Variants in ATP8B3 observed in about 807,000 individuals in gnomAD.
The protein encoded by ATP8B3 is phospholipid-transporting ATPase IK.
Under a neutral mutation model 140.9 loss-of-function variants are expected in ATP8B3, and 141 were observed. The ratio of observed to expected loss-of-function variants is 1.00; its 90% confidence interval spans 0.87 to 1.15. The LOEUF is 1.15. ATP8B3 is among the 50% of genes most tolerant of loss of function. ATP8B3 has a pLI of 0.00. For missense variants in ATP8B3, 1,874 were observed against 1,740.6 expected, an observed-to-expected ratio of 1.08 and a Z score of -1.36; for synonymous variants, 765 against 714.6, an observed-to-expected ratio of 1.07 and a Z score of -1.13.
chr19:1,783,865 G>C (rs1257475758), intron 28 of ATP8B3, among the ~76,000 whole-genome samples: 1 of 152,106 alleles, frequency 6.6e-6, no homozygotes, highest in African/African-American at 2.4e-5. Context: ...GTGGGGTCTT[G>C]CTCTGTTGCC....
In ATP8B3 at chr19:1,796,072, C is replaced by G; in HGVS notation, c.1942+5G>C. On this transcript the variant is annotated splice_donor_5th_base_variant and intron_variant, in intron 17 of 28. Transcript: ENST00000310127. ...GGGGCCCAGGGCTTGGGTGGCGGGG[C>G]TCACCCAGCACCGACATCCGTTTGC... The G allele has an allele frequency of 1.9e-6, 3 of 1,612,440 alleles. No homozygotes were observed. Among genetic ancestry groups the G allele is most frequent in the Non-Finnish European group, 2.5e-6 (3 of 1,179,484 alleles).
chr19:1,783,361 G>T, intron 28 of ATP8B3, 91 bp from the exon 29 acceptor site: 1 of 1,464,164 alleles, frequency 6.8e-7, no homozygotes, highest in Non-Finnish European at 9.2e-7. Flanking sequence ...AGGATTCAAA[G>T]CCCTTGGCCA....
In ATP8B3 at chr19:1,790,723, C is replaced by A. The variant is rs368690901; in HGVS notation, c.2378+34G>T. 451 of 1,547,828 alleles carry A rather than the reference C, an allele frequency of 2.9e-4. 1 individual carries two copies. Among genetic ancestry groups the A allele is most frequent in the Non-Finnish European group, 3.6e-4 (412 of 1,146,472 alleles). ...TGCTCCTTGTCCTCACCTCCCCACTCCCCTTGCTCACCCCCCAACTCCCCA... is the reference window on the plus strand; with the variant it reads ...TGCTCCTTGTCCTCACCTCCCCACTACCCTTGCTCACCCCCCAACTCCCCA... On this transcript the variant is annotated intron_variant, in intron 21 of 28. Transcript: ENST00000310127.
intron 14 of ATP8B3, 155 bp downstream of exon 14, chr19:1,799,792 C>A (rs180985933): frequency 8.1e-5 from 63 of 775,380 alleles, no homozygotes; most frequent in South Asian, 3.8e-4. Flanking sequence ...TTCCTGGCCC[C>A]CTCCAAAGGA....
intron 21 of ATP8B3, 110 bp downstream of exon 21, chr19:1,790,647 C>T (rs2068474998): frequency 1.3e-6 from 1 of 788,230 alleles, no homozygotes; most frequent in Non-Finnish European, 1.9e-6. Context: ...TCTCAATCCC[C>T]CCCTTCCCAC....
chr19:1,806,289 GC>G lies in ATP8B3; in HGVS notation c.678-121del, dbSNP rs2069016512. On this transcript the variant is annotated intron_variant, in intron 7 of 28. Coordinates refer to ENST00000310127, the MANE Select transcript of ATP8B3 (RefSeq NM_138813.4). This position sits in a 1 kb window ranked among gnomAD's most constrained non-coding sequence, Gnocchi z 5.6. ...CTGCAGTCCCCACCTCCGGGCCTTT[GC>G]CCCCTCAGGAAGCCTTCCCCGGGCT... is the stretch of plus-strand genomic sequence containing the variant. The G allele has an allele frequency of 1.0e-5, 15 of 1,497,726 alleles. No individual in the cohort carries two copies. Among genetic ancestry groups the G allele is most frequent in the Admixed American group, 2.1e-5 (1 of 47,356 alleles). The allele number at this position is 1,497,726 out of a possible 1,614,324, so 92.8% of individuals were successfully genotyped here. A position where few individuals can be genotyped will look rare whatever the true frequency, so the allele number is the denominator to read the frequency against.
chr19:1,800,010 T>A lies in ATP8B3; in HGVS notation c.1489A>T (p.Thr497Ser). The A allele has an allele frequency of 6.2e-7, 1 of 1,606,380 alleles. No individual in the cohort carries two copies. The highest frequency in any genetic ancestry group is 8.5e-7 in the Non-Finnish European group (1 of 1,176,720). Residue 497 changes from threonine to serine, a missense_variant, in exon 14 of 29, where the codon ACG (threonine) becomes TCG (serine). Thr to Ser is a moderately conservative substitution (Grantham distance 58, BLOSUM62 1). Around this residue, in one of 3 missense-constraint regions of ATP8B3, gnomAD observed 1,032 missense variants for 963.6 expected, o/e 1.07. Coordinates refer to ENST00000310127, the MANE Select transcript of ATP8B3 (RefSeq NM_138813.4). The surrounding 1 kb of genome is among the most constrained non-coding windows in gnomAD (Gnocchi z 4.4). ...AAGATGTTCTGCGTGAGCGTGCCCG[T>A]CTTGTCCGAGAAGATGTATTCCACC... ...GQVEYIFSDK[T>S]GTLTQNILTF...
chr19:1,803,391 G>A (rs1386811272), intron 10 of ATP8B3, among the ~76,000 whole-genome samples: 2 of 152,170 alleles, frequency 1.3e-5, no homozygotes, highest in East Asian at 1.9e-4. Flanking sequence ...ATGGTGGGAC[G>A]GCCAGAGGGC....
Position 1,805,913 on chromosome 19 carries a change from A to G in ATP8B3, c.796T>C (p.Tyr266His), listed in dbSNP as rs1305552073. The G allele has an allele frequency of 4.3e-6, 7 of 1,612,836 alleles. No individual in the cohort carries two copies. The highest frequency in any genetic ancestry group is 5.9e-6 in the Non-Finnish European group (7 of 1,179,818). Residue 266 changes from tyrosine to histidine, a missense_variant, in exon 9 of 29, where the codon TAT becomes CAT. By Grantham distance (83) the Tyr-to-His change is moderately conservative. Transcript: ENST00000310127. The surrounding 1 kb of genome is among the most constrained non-coding windows in gnomAD (Gnocchi z 5.2). ...CCGTCAATGTCCACCGTCTCCACAT[A>G]GCACAGGCTGCTGGGCTCCGTGCTG... ...LASTEPSSLC[Y>H]VETVDIDGET...
In ATP8B3 at chr19:1,803,924, C is replaced by A. The variant is rs1232130681; in HGVS notation, c.905-1279G>T. Among the ~76,000 whole-genome samples, 4 of 144,748 alleles carry A rather than the reference C, an allele frequency of 2.8e-5. No individual in the cohort carries two copies. In the East Asian group the frequency reaches 6.0e-4, roughly 22 times the overall value. The allele number at this position is 144,748 out of a possible 152,430, so 95.0% of individuals were successfully genotyped here. A position where few individuals can be genotyped will look rare whatever the true frequency, so the allele number is the denominator to read the frequency against. The stretch of plus-strand genomic sequence containing the variant: ...AAAAAAAAAAAAAAAAAAAAAGGAA[C>A]CTTTAGCCAAGTTCTGGGACTGTCA... On this transcript the variant is annotated intron_variant, in intron 10 of 28. Transcript: ENST00000310127.
Position 1,800,002 on chromosome 19 carries a change from C to T in ATP8B3, c.1497G>A (p.Thr499=), listed in dbSNP as rs368260432. ...VEYIFSDKTG[T]LTQNILTFNK... ...TGAAGGTCAAGATGTTCTGCGTGAG[C>T]GTGCCCGTCTTGTCCGAGAAGATGT... Residue 499 remains threonine, a synonymous_variant, in exon 14 of 29, where the codon ACG becomes ACA. Coordinates refer to ENST00000310127, the MANE Select transcript of ATP8B3 (RefSeq NM_138813.4). This position sits in a 1 kb window ranked among gnomAD's most constrained non-coding sequence, Gnocchi z 4.4. The T allele has an allele frequency of 1.4e-5, 22 of 1,606,474 alleles. No homozygotes were observed. The highest frequency in any genetic ancestry group is 1.7e-5 in the Admixed American group (1 of 59,240).
intron 21 of ATP8B3, 125 bp downstream of exon 21, chr19:1,790,632 T>G: frequency 1.6e-5 from 2 of 128,366 alleles, no homozygotes; most frequent in Non-Finnish European, 1.3e-5. Flanking sequence ...TACCCTTCCC[T>G]CCCCTCTCAA....
At chr19:1,810,508 C>T in intron 3 of ATP8B3, 114 bp downstream of exon 3, 1 of 1,054,516 alleles carries the variant, frequency 9.5e-7, no homozygotes, top group African/African-American at 1.6e-5. Flanking sequence ...AAGTGATCCA[C>T]CCGCCTCAGC....
In ATP8B3 at chr19:1,800,775, G is replaced by A. The variant is rs1016405186; in HGVS notation, c.1153-326C>T. Among the ~76,000 whole-genome samples the A allele has an allele frequency of 3.9e-5, 6 of 151,962 alleles. No homozygotes were observed. Among genetic ancestry groups the A allele is most frequent in the Admixed American group, 6.6e-5 (1 of 15,260 alleles). On this transcript the variant is annotated intron_variant, in intron 12 of 28. Coordinates refer to ENST00000310127, the MANE Select transcript of ATP8B3 (RefSeq NM_138813.4). This position sits in a 1 kb window ranked among gnomAD's most constrained non-coding sequence, Gnocchi z 4.4. The stretch of plus-strand genomic sequence containing the variant: ...GGAGGCTGCAGTGAGATATCATGGC[G>A]CCACTGCACTCCATCCTGGGCAATA...
At chr19:1,798,522 A>G (rs938748618) in intron 14 of ATP8B3, among the ~76,000 whole-genome samples, 3 of 151,380 alleles carry the variant, frequency 2.0e-5, no homozygotes, top group Admixed American at 6.6e-5. Flanking sequence ...GCAGATCACG[A>G]GGTCAGGAGA....
Position 1,789,352 on chromosome 19 carries a change from G to C in ATP8B3, c.2845+9C>G. ...CCCAGGCACCCCCAGCCCCGCCGCC[G>C]CCACCCACTCTTGATCATGTTGATG... On this transcript the variant is annotated intron_variant, in intron 23 of 28. Transcript: ENST00000310127. The C allele has an allele frequency of 7.3e-7, 1 of 1,378,772 alleles. No homozygotes were observed. The highest frequency in any genetic ancestry group is 9.5e-7 in the Non-Finnish European group (1 of 1,052,350). The allele number at this position is 1,378,772 out of a possible 1,614,324, so 85.4% of individuals were successfully genotyped here. A position where few individuals can be genotyped will look rare whatever the true frequency, so the allele number is the denominator to read the frequency against.
In ATP8B3 at chr19:1,789,899, T is replaced by G. The variant is rs1445735069; in HGVS notation, c.2469A>C (p.Gly823=). 1 of 1,611,274 alleles carries G rather than the reference T, an allele frequency of 6.2e-7. No individual in the cohort carries two copies. The highest frequency in any genetic ancestry group is 1.3e-5 in the African/African-American group (1 of 74,790). ...CCTGAGCGACACTGACCAGGAAGTC[T>G]CCGTTAATGACCAAGGCCAGCTTGA... ...SQVKLALVIN[G]DFLDKLLVSL... The change falls in exon 22 of 29, where the codon GGA becomes GGC. Residue 823 remains glycine (G), a synonymous_variant. Coordinates refer to ENST00000310127, the MANE Select transcript of ATP8B3 (RefSeq NM_138813.4).
chr19:1,802,777 GC>G, intron 10 of ATP8B3, 132 bp from the exon 11 acceptor site: 1 of 1,110,292 alleles, frequency 9.0e-7, no homozygotes, highest in Non-Finnish European at 1.3e-6. Flanking sequence ...GCCCTATGGT[GC>G]CCCAGCACTG....
chr19:1,794,571 G>A lies in ATP8B3; in HGVS notation c.2055+1304C>T, dbSNP rs543008677. 4.6e-5 allele frequency among the ~76,000 whole-genome samples: 7 copies of A among 152,270 alleles called. No individual in the cohort carries two copies. The South Asian group carries it at 1.2e-3, about 27-fold the overall frequency. On this transcript the variant is annotated intron_variant, in intron 18 of 28. Transcript: ENST00000310127. The surrounding 1 kb of genome is among the most constrained non-coding windows in gnomAD (Gnocchi z 4.8). ...GCTGGACCAGGGGGAGGCAGCCTGG[G>A]GTGATGACAGCCCCATGTTGGCAGG...
Sources: gnomAD v4.1 joint callset for allele counts (sites outside exome capture counted in the v4.1 genomes callset) on GRCh38, gnomAD v4.1.1 for gene constraint, gnomAD v4.1.1 regional missense constraint, Gnocchi (gnomAD v3.1) non-coding constraint, MANE v1.5 for transcripts, NCBI Gene and HGNC (gene_info 2026-07-23, HGNC 2026-07-21) for gene names.